The following NCKAP5 variants were observed in gnomAD, a reference collection of about 807,000 sequenced individuals.
NCKAP5 encodes the protein NCK associated protein 5.
Under a neutral mutation model 167.0 loss-of-function variants are expected in NCKAP5, and 92 were observed. The ratio of observed to expected loss-of-function variants is 0.55; its 90% CI spans 0.47 to 0.66. NCKAP5 has a LOEUF of 0.66. Among genes scored for constraint, NCKAP5 ranks in the 30% least tolerant of loss-of-function variants. The probability of loss-of-function intolerance (pLI) is 0.00; values close to 1 mark genes in which losing one functional copy is unlikely to be tolerated. For missense variants in NCKAP5, 2,378 were observed against 2,315.0 expected, an observed-to-expected ratio of 1.03 and a Z score of -0.56; for synonymous variants, 891 against 877.4, an observed-to-expected ratio of 1.02 and a Z score of -0.27.
At chr2:133,209,466 C>CA (rs201418877) in intron 5 of NCKAP5, among the ~76,000 whole-genome samples, 5,272 of 150,226 alleles carry the variant, frequency 0.035, 344 homozygotes, top group African/African-American at 0.12. Flanking sequence ...AACAAACAAA[C>CA]AAAAAAACAG....
At chr2:133,338,062 T>C (rs1405607944) in intron 3 of NCKAP5, among the ~76,000 whole-genome samples, 1 of 152,212 alleles carries the variant, frequency 6.6e-6, no homozygotes, top group Non-Finnish European at 1.5e-5. Context: ...AATAATAGAT[T>C]CTTGGAATAT....
intron 3 of NCKAP5, among the ~76,000 whole-genome samples, chr2:133,468,621 T>TC (rs1692791559): frequency 6.6e-6 from 1 of 152,128 alleles, no homozygotes; most frequent in Non-Finnish European, 1.5e-5. Flanking sequence ...TGTTAAAGTC[T>TC]CCATTATTAA....
rs2082557593 is a variant in NCKAP5 at position 133,130,371 on chromosome 2, A to T, written c.208-260T>A. 3.3e-5 allele frequency among the ~76,000 whole-genome samples: 5 copies of T among 152,346 alleles called. No individual in the cohort carries two copies. The South Asian group carries it at 1.0e-3, about 32-fold the overall frequency. On this transcript the variant is annotated intron_variant, in intron 5 of 19. Coordinates refer to ENST00000409261, the MANE Select transcript of NCKAP5 (RefSeq NM_207363.3). Reference sequence around the variant, plus strand: ...CCAGGTGACTTAATTCTAACACTTGAATAATTTCCACTAACCCAGAGAGCA... The same window carrying T: ...CCAGGTGACTTAATTCTAACACTTGTATAATTTCCACTAACCCAGAGAGCA...
chr2:132,770,994 A>T (rs1195504986), intron 16 of NCKAP5, among the ~76,000 whole-genome samples: 1 of 152,222 alleles, frequency 6.6e-6, no homozygotes, highest in African/African-American at 2.4e-5. Flanking sequence ...ATAGTACAGA[A>T]TATTTGATAA....
At chr2:132,675,784 T>C (rs958817639) in intron 19 of NCKAP5, among the ~76,000 whole-genome samples, 1 of 146,026 alleles carries the variant, frequency 6.8e-6, no homozygotes, top group African/African-American at 2.6e-5. Flanking sequence ...CAGTTAATTA[T>C]AACAAAGACC....
chr2:133,320,901 G>A (rs543792632), intron 3 of NCKAP5, among the ~76,000 whole-genome samples: 13 of 152,276 alleles, frequency 8.5e-5, no homozygotes, highest in East Asian at 3.9e-4. Context: ...ACAATCACAC[G>A]TTTCCCCATG....
intron 2 of NCKAP5, among the ~76,000 whole-genome samples, chr2:133,522,353 A>T (rs910793898): frequency 1.3e-5 from 2 of 152,178 alleles, no homozygotes; most frequent in Non-Finnish European, 2.9e-5. Context: ...TGCTTGAAAC[A>T]TCTACAGTAA....
intron 11 of NCKAP5, among the ~76,000 whole-genome samples, chr2:132,856,397 T>C (rs1689475012): frequency 1.3e-5 from 2 of 152,014 alleles, no homozygotes; most frequent in South Asian, 4.2e-4. Flanking sequence ...AATAATGATA[T>C]AAAACACTAG....
intron 19 of NCKAP5, among the ~76,000 whole-genome samples, chr2:132,721,095 G>T (rs989602876): frequency 2.6e-5 from 4 of 151,484 alleles, no homozygotes; most frequent in Admixed American, 1.3e-4. Flanking sequence ...AGATCACGAG[G>T]TCAGGAGTTC....
At chr2:133,304,044 A>T (rs908307727) in intron 3 of NCKAP5, among the ~76,000 whole-genome samples, 1 of 152,186 alleles carries the variant, frequency 6.6e-6, no homozygotes, top group African/African-American at 2.4e-5. Context: ...CAATGATTTC[A>T]ATGTTAAGGC....
the NCKAP5 span, among the ~76,000 whole-genome samples, chr2:133,646,722 G>A: frequency 1.3e-5 from 2 of 152,202 alleles, no homozygotes; most frequent in East Asian, 3.9e-4. Flanking sequence ...ATGGTGGTGG[G>A]TAAATCACTT....
chr2:132,878,413 A>G (rs769892290), intron 9 of NCKAP5, among the ~76,000 whole-genome samples: 12 of 151,956 alleles, frequency 7.9e-5, no homozygotes, highest in Non-Finnish European at 1.3e-4. Context: ...CACTCTATCA[A>G]GGATTTGCTT....
rs1690654970 is a variant in NCKAP5, at chr2:132,728,269, C to T, written c.5580+547G>A. On this transcript the variant is annotated intron_variant, in intron 18 of 19. Coordinates refer to ENST00000409261, the MANE Select transcript of NCKAP5 (RefSeq NM_207363.3). ...TCCCTGAGCCAGACACCCATAGCCA[C>T]CCATAGCCACCCATCAGGAGTTCCG... is the stretch of plus-strand genomic sequence containing the variant. Among the ~76,000 whole-genome samples the T allele has an allele frequency of 2.6e-5, 4 of 152,126 alleles. 1 individual carries two copies. In the South Asian group the frequency reaches 8.3e-4, roughly 32 times the overall value.
At chr2:133,238,572 C>T (rs1398598732) in intron 4 of NCKAP5, among the ~76,000 whole-genome samples, 2 of 152,182 alleles carry the variant, frequency 1.3e-5, no homozygotes, top group Non-Finnish European at 2.9e-5. Flanking sequence ...CCAGTACTTA[C>T]TTACATTTGT....
At chr2:132,955,655 T>A (rs1037229451) in intron 8 of NCKAP5, among the ~76,000 whole-genome samples, 6 of 152,176 alleles carry the variant, frequency 3.9e-5, no homozygotes, top group Non-Finnish European at 7.3e-5. Flanking sequence ...TGATTTATAA[T>A]CCTTTGGGTA....
At chr2:133,085,185 T>C (rs982902688) in intron 6 of NCKAP5, among the ~76,000 whole-genome samples, 2 of 152,232 alleles carry the variant, frequency 1.3e-5, no homozygotes, top group East Asian at 1.9e-4. Flanking sequence ...GCTCATAACA[T>C]ACTGCTTCAG....
At chr2:133,251,857 C>T (rs2088357745) in intron 4 of NCKAP5, among the ~76,000 whole-genome samples, 1 of 152,142 alleles carries the variant, frequency 6.6e-6, no homozygotes, top group African/African-American at 2.4e-5. Flanking sequence ...AGACCAGACA[C>T]AATCCAAATG....
Position 133,191,732 on chromosome 2 carries a change from C to T in NCKAP5, c.207+21984G>A, listed in dbSNP as rs1227095611. ...GAATTGAACAATGAGAACACTTGGACACAGGATGGGGAACATCACACACCG... is the reference window on the plus strand; with the variant it reads ...GAATTGAACAATGAGAACACTTGGATACAGGATGGGGAACATCACACACCG... On this transcript the variant is annotated intron_variant, in intron 5 of 19. Coordinates refer to ENST00000409261, the MANE Select transcript of NCKAP5 (RefSeq NM_207363.3). 7.9e-5 allele frequency among the ~76,000 whole-genome samples: 12 copies of T among 152,030 alleles called. No individual in the cohort carries two copies. In the East Asian group the frequency reaches 2.3e-3, roughly 29 times the overall value.
intron 16 of NCKAP5, among the ~76,000 whole-genome samples, chr2:132,763,012 A>G (rs754454195): frequency 3.9e-5 from 6 of 152,212 alleles, no homozygotes; most frequent in Admixed American, 6.5e-5. Flanking sequence ...ATATGAATAC[A>G]TGATTCTATT....
Sources: allele counts gnomAD v4.1 joint callset (sites outside exome capture counted in the v4.1 genomes callset), GRCh38; gene constraint gnomAD v4.1.1; transcripts MANE v1.5; gene names NCBI Gene and HGNC (gene_info 2026-07-23, HGNC 2026-07-21).